Variants in EXD3 observed in about 807,000 individuals in gnomAD.
EXD3 encodes exonuclease mut-7 homolog.
EXD3 carries 92 observed loss-of-function variants against 98.0 expected under a neutral mutation model. The ratio of observed to expected loss-of-function variants is 0.94; its 90% CI spans 0.79 to 1.12. EXD3 has a LOEUF of 1.12. Ranked by LOEUF, EXD3 falls within the 50% of genes most tolerant of loss-of-function variation. EXD3 has a pLI of 0.00. For missense variants in EXD3, 1,222 were observed against 1,191.6 expected (o/e 1.03, Z -0.38); for synonymous variants, 569 against 526.0 (o/e 1.08, Z -1.12).
chr9:137,405,986 G>A lies in EXD3; in HGVS notation c.-47-10582C>T, dbSNP rs939396534. On this transcript the variant is annotated intron_variant, in intron 1 of 21. Transcript: ENST00000340951. The surrounding 1 kb of genome is among the most constrained non-coding windows in gnomAD (Gnocchi z 4.1). ...TGTAATCCCAGCCTTGTGGGAGGCC[G>A]AGGCGGGAGGATCACTTGAGCTCAG... Among the ~76,000 whole-genome samples the A allele has an allele frequency of 6.6e-5, 10 of 152,192 alleles. No homozygotes were observed. The highest frequency in any genetic ancestry group is 2.2e-4 in the African/African-American group (9 of 41,432).
At chr9:137,373,393 G>T in intron 4 of EXD3, 33 bp downstream of exon 4, 1 of 1,597,016 alleles carries the variant, frequency 6.3e-7, no homozygotes, top group East Asian at 2.2e-5. Context: ...GGGGCAGGAA[G>T]GGAGGTGACT....
At chr9:137,390,483 A>G (rs951928384) in intron 2 of EXD3, among the ~76,000 whole-genome samples, 1 of 152,170 alleles carries the variant, frequency 6.6e-6, no homozygotes, top group Non-Finnish European at 1.5e-5. Flanking sequence ...AATAAAAACT[A>G]AAAAGATAAC....
chr9:137,313,516 T>A (rs541669543), intron 19 of EXD3, among the ~76,000 whole-genome samples: 2 of 151,462 alleles, frequency 1.3e-5, no homozygotes, highest in East Asian at 3.9e-4. Flanking sequence ...GGGGTGGGAG[T>A]GTGAGGGTGG....
intron 1 of EXD3, among the ~76,000 whole-genome samples, chr9:137,421,954 T>C (rs143990996): frequency 1.1e-3 from 171 of 152,328 alleles, no homozygotes; most frequent in African/African-American, 4.0e-3. Flanking sequence ...AAATTGGTTA[T>C]AGTCCTATGT....
intron 17 of EXD3, among the ~76,000 whole-genome samples, chr9:137,332,307 AG>A (rs1458851123): frequency 1.8e-4 from 27 of 152,320 alleles, no homozygotes; most frequent in African/African-American, 6.0e-4. Flanking sequence ...GAACGAATCT[AG>A]GCCGGGCGCA....
At chr9:137,340,368 T>C (rs2119180347) in intron 17 of EXD3, among the ~76,000 whole-genome samples, 1 of 151,942 alleles carries the variant, frequency 6.6e-6, no homozygotes, top group Admixed American at 6.6e-5. Flanking sequence ...TCCCAGCTAC[T>C]CAGGAGGCTG....
intron 19 of EXD3, among the ~76,000 whole-genome samples, chr9:137,317,907 A>G (rs1228936669): frequency 1.3e-5 from 2 of 151,566 alleles, no homozygotes; most frequent in African/African-American, 2.4e-5. Flanking sequence ...GTCCTTCTGT[A>G]CCCTCTGTGC....
intron 1 of EXD3, among the ~76,000 whole-genome samples, chr9:137,416,224 T>TG (rs941990287): frequency 6.6e-6 from 1 of 152,174 alleles, no homozygotes; most frequent in African/African-American, 2.4e-5. Flanking sequence ...CTGCGGTGGC[T>TG]GGCTGGGTGG....
intron 1 of EXD3, among the ~76,000 whole-genome samples, chr9:137,398,883 C>T (rs1837351220): frequency 6.7e-6 from 1 of 149,050 alleles, no homozygotes; most frequent in African/African-American, 2.5e-5. Flanking sequence ...CCGTGACACA[C>T]ATGCACCCGC....
chr9:137,307,212 C>A lies in EXD3; in HGVS notation c.2369G>T (p.Arg790Leu), dbSNP rs776734872. 1 of 1,572,986 alleles carries A rather than the reference C, an allele frequency of 6.4e-7. No homozygotes were observed. Among genetic ancestry groups the A allele is most frequent in the South Asian group, 1.2e-5 (1 of 86,728 alleles). Residue 790 changes from arginine to leucine, a missense_variant, in exon 22 of 22, where the codon CGC (arginine) becomes CTC (leucine). Coordinates refer to ENST00000340951, the MANE Select transcript of EXD3 (RefSeq NM_017820.5). ...CCGCAGGTCAGCCATCTGCAGCCAG[C>A]GGCAGGGGCGGTCATAGGTGCAGCC... ...PEGCTYDRPC[R>L]WLQMADLRAE...
chr9:137,347,970 T>C lies in EXD3; in HGVS notation c.1998+101A>G. The stretch of plus-strand genomic sequence containing the variant: ...GCCTGCCTGGCACAGCTGGCAGCCA[T>C]GGATGAGCTGGAGGGAGGAGTTTGA... On this transcript the variant is annotated intron_variant, in intron 17 of 21. Coordinates refer to ENST00000340951, the MANE Select transcript of EXD3 (RefSeq NM_017820.5). This position sits in a 1 kb window ranked among gnomAD's most constrained non-coding sequence, Gnocchi z 4.2. 1.5e-6 allele frequency: 2 copies of C among 1,356,656 alleles called. No homozygotes were observed. Among genetic ancestry groups the C allele is most frequent in the South Asian group, 1.4e-5 (1 of 69,928 alleles). 84.0% of individuals were successfully genotyped at this position (1,356,656 alleles called of 1,614,324 possible). A position where few individuals can be genotyped will look rare whatever the true frequency, so the allele number is the denominator to read the frequency against.
intron 2 of EXD3, among the ~76,000 whole-genome samples, chr9:137,384,182 C>T (rs1047697665): frequency 1.3e-5 from 2 of 152,162 alleles, no homozygotes; most frequent in South Asian, 2.1e-4. Flanking sequence ...CAGGGCAGGA[C>T]GGGAACAGGG....
At chr9:137,414,088 TG>T (rs1445698031) in intron 1 of EXD3, among the ~76,000 whole-genome samples, 1 of 151,950 alleles carries the variant, frequency 6.6e-6, no homozygotes, top group African/African-American at 2.4e-5. Flanking sequence ...GGCTAATTTT[TG>T]TATTTTTAGT....
At position 137,423,142 on chromosome 9, in the gene EXD3, CCACG is replaced by C. The variant is rs1838631321; in HGVS notation, c.-80_-77del. 6.6e-6 allele frequency: 1 copy of C among 151,600 alleles called. No individual in the cohort carries two copies. Among genetic ancestry groups the C allele is most frequent in the South Asian group, 2.1e-4 (1 of 4,836 alleles). The allele number at this position is 151,600 out of a possible 1,614,324, so 9.4% of individuals were successfully genotyped here. A position where few individuals can be genotyped will look rare whatever the true frequency, so the allele number is the denominator to read the frequency against. On this transcript the variant is annotated 5_prime_UTR_variant, in exon 1 of 22. Transcript: ENST00000340951. ...CGGGGCCGGGACCGCCCCACACCGT[CCACG>C]CCCGGCGCGGAACCTTGGCCCGACC...
chr9:137,400,247 T>A (rs1199423842), intron 1 of EXD3, among the ~76,000 whole-genome samples: 2 of 152,044 alleles, frequency 1.3e-5, no homozygotes, highest in East Asian at 3.9e-4. Flanking sequence ...CCAAACCACA[T>A]CATTCCGTCC....
chr9:137,390,118 T>TTGC (rs1166652082), intron 2 of EXD3, among the ~76,000 whole-genome samples: 9 of 5,460 alleles, frequency 1.6e-3, no homozygotes, highest in African/African-American at 4.4e-3. Context: ...CGAGACTCTG[T>TTGC]CAAAAAAAAA....
chr9:137,308,119 C>T (rs1831145652), intron 20 of EXD3, among the ~76,000 whole-genome samples: 1 of 152,012 alleles, frequency 6.6e-6, no homozygotes, highest in Non-Finnish European at 1.5e-5. Context: ...CCCTGTGAGG[C>T]CCCGAGCCCC....
At chr9:137,384,465 G>A (rs1482388986) in intron 2 of EXD3, among the ~76,000 whole-genome samples, 1 of 152,232 alleles carries the variant, frequency 6.6e-6, no homozygotes, top group Non-Finnish European at 1.5e-5. Context: ...GGGACGGGCA[G>A]GGAGCGCCCT....
chr9:137,309,728 C>G, intron 19 of EXD3, 28 bp from the exon 20 acceptor site: 1 of 1,533,184 alleles, frequency 6.5e-7, no homozygotes, highest in Non-Finnish European at 8.8e-7. Context: ...TGCTGAGGCC[C>G]AGGCGGGGCT....
Sources: gnomAD v4.1 joint callset for allele counts (sites outside exome capture counted in the v4.1 genomes callset) on GRCh38, gnomAD v4.1.1 for gene constraint, Gnocchi (gnomAD v3.1) non-coding constraint, MANE v1.5 for transcripts, NCBI Gene and HGNC (gene_info 2026-07-23, HGNC 2026-07-21) for gene names.